DLG2: variants seen among roughly 807,000 people sequenced by gnomAD.
DLG2 encodes disks large homolog 2.
DLG2 carries 45 observed loss-of-function variants against 132.5 expected under a neutral mutation model. That is an observed-to-expected ratio of 0.34 (90% CI 0.27 to 0.44). DLG2 has a LOEUF of 0.44. Among genes scored for constraint, DLG2 ranks in the 20% least tolerant of loss-of-function variants. The pLI is 1.00. For missense variants in DLG2, 1,045 were observed against 1,196.9 expected (o/e 0.87, Z 1.87); for synonymous variants, 424 against 419.6 (o/e 1.01, Z -0.13).
intron 6 of DLG2, among the ~76,000 whole-genome samples, chr11:84,897,140 AC>A (rs1396436077): frequency 9.1e-5 from 8 of 87,986 alleles, no homozygotes; most frequent in Admixed American, 3.1e-4. Context: ...TGTACTAGTT[AC>A]ATATATATAT....
rs2054624376 is a variant in DLG2 at position 83,831,858 on chromosome 11, A to G, written c.1722+1756T>C. Among the ~76,000 whole-genome samples the G allele has an allele frequency of 2.6e-5, 4 of 152,202 alleles. No individual in the cohort carries two copies. The South Asian group carries it at 8.3e-4, about 32-fold the overall frequency. On this transcript the variant is annotated intron_variant, in intron 17 of 27. Coordinates refer to ENST00000376104, the MANE Select transcript of DLG2 (RefSeq NM_001142699.3). The stretch of plus-strand genomic sequence containing the variant: ...TCATACTAAGGAGGAAGCTTGACAT[A>G]GTAGAAGGAGACAGCCAATAAATAT...
intron 19 of DLG2, among the ~76,000 whole-genome samples, chr11:83,593,992 A>T (rs1447936981): frequency 1.3e-5 from 2 of 152,374 alleles, no homozygotes; most frequent in Non-Finnish European, 2.9e-5. Context: ...AGGTAAGTGT[A>T]ATAGCAAATA....
chr11:84,926,798 T>C (rs2092994081), intron 6 of DLG2, among the ~76,000 whole-genome samples: 1 of 152,026 alleles, frequency 6.6e-6, no homozygotes, highest in South Asian at 2.1e-4. Flanking sequence ...TGAGGGGATT[T>C]ACCCCATTGC....
At chr11:84,721,078 A>G (rs2061779671) in intron 6 of DLG2, among the ~76,000 whole-genome samples, 1 of 151,842 alleles carries the variant, frequency 6.6e-6, no homozygotes, top group African/African-American at 2.4e-5. Context: ...CGTGACCCCG[A>G]GACTGCATTT....
At chr11:83,738,378 T>C (rs771609839) in intron 18 of DLG2, among the ~76,000 whole-genome samples, 2 of 152,014 alleles carry the variant, frequency 1.3e-5, no homozygotes, top group African/African-American at 2.4e-5. Context: ...GGGGCAGGCT[T>C]CTCTTTGGGG....
rs779039240 is a variant in DLG2 at position 84,506,079 on chromosome 11, C to CTTTTTTTTTTTTTTTTTTTT, written c.519+28490_519+28491insAAAAAAAAAAAAAAAAAAAA. On this transcript the variant is annotated intron_variant, in intron 7 of 27. Transcript: ENST00000376104. ...CTAATGTTATGACAGAGGCTCAGTT[C>CTTTTTTTTTTTTTTTTTTTT]TTTTTTTTTTTTTTGAGACGGAGTC... is the stretch of plus-strand genomic sequence containing the variant. Among the ~76,000 whole-genome samples, 188 of 106,936 alleles carry CTTTTTTTTTTTTTTTTTTTT rather than the reference C, an allele frequency of 1.8e-3. 26 individuals are homozygous for CTTTTTTTTTTTTTTTTTTTT. The highest frequency in any genetic ancestry group is 3.4e-3 in the African/African-American group (67 of 19,710). The allele number at this position is 106,936 out of a possible 152,430, so 70.2% of individuals were successfully genotyped here. A position where few individuals can be genotyped will look rare whatever the true frequency, so the allele number is the denominator to read the frequency against.
In DLG2 at chr11:85,142,846, T is replaced by C. The variant is rs559800108; in HGVS notation, c.282+11710A>G. On this transcript the variant is annotated intron_variant, in intron 5 of 27. Coordinates refer to ENST00000376104, the MANE Select transcript of DLG2 (RefSeq NM_001142699.3). ...TTTATCCTTCATTCGGTCAATATGA[T>C]ATATTACATTGATTGATTTCTGTAT... Among the ~76,000 whole-genome samples the C allele has an allele frequency of 1.3e-4, 19 of 151,986 alleles. 2 individuals carry two copies. The South Asian group carries it at 3.9e-3, about 32-fold the overall frequency.
intron 3 of DLG2, among the ~76,000 whole-genome samples, chr11:85,570,853 G>A (rs189005389): frequency 2.6e-5 from 4 of 151,956 alleles, no homozygotes; most frequent in East Asian, 1.9e-4. Context: ...TCTTCCAGTC[G>A]CTGAATTTTT....
intron 14 of DLG2, among the ~76,000 whole-genome samples, chr11:83,943,110 C>T (rs568400598): frequency 7.2e-5 from 11 of 152,268 alleles, no homozygotes; most frequent in Admixed American, 3.9e-4. Context: ...TCCTCAGCCA[C>T]GTGGAACTGT....
At position 84,518,580 on chromosome 11, in the gene DLG2, C is replaced by T. The variant is rs72943755; in HGVS notation, c.519+15990G>A. On this transcript the variant is annotated intron_variant, in intron 7 of 27. Transcript: ENST00000376104. ...CACAACTGAAGTATGATGCGTGCCT[C>T]GGAAGCTCTCAAAACTGTCAGCATC... Among the ~76,000 whole-genome samples the T allele has an allele frequency of 2.8e-3, 422 of 152,206 alleles. 2 individuals carry two copies. The highest frequency in any genetic ancestry group is 5.2e-3 in the Non-Finnish European group (356 of 67,994).
chr11:85,587,126 C>T (rs1458197345), intron 3 of DLG2, among the ~76,000 whole-genome samples: 1 of 152,132 alleles, frequency 6.6e-6, no homozygotes, highest in East Asian at 1.9e-4. Flanking sequence ...ATCCTATGGT[C>T]TATCTTGGAG....
chr11:84,268,751 G>A (rs990498763), intron 7 of DLG2, among the ~76,000 whole-genome samples: 3 of 151,914 alleles, frequency 2.0e-5, no homozygotes, highest in Non-Finnish European at 2.9e-5. Flanking sequence ...GTGAGCCACC[G>A]CGCCCGGCCC....
intron 15 of DLG2, among the ~76,000 whole-genome samples, chr11:83,922,344 T>A (rs2078113250): frequency 6.6e-6 from 1 of 152,054 alleles, no homozygotes; most frequent in Non-Finnish European, 1.5e-5. Context: ...AGTCAATTAA[T>A]CTCTCCTTAT....
chr11:84,736,425 A>T (rs1337035387), intron 6 of DLG2, among the ~76,000 whole-genome samples: 2 of 151,900 alleles, frequency 1.3e-5, no homozygotes, highest in African/African-American at 2.4e-5. Context: ...AAAAATTTCA[A>T]CTGGAATTTT....
chr11:85,117,113 A>T (rs954913186), intron 5 of DLG2, among the ~76,000 whole-genome samples: 2 of 152,036 alleles, frequency 1.3e-5, no homozygotes, highest in African/African-American at 2.4e-5. Flanking sequence ...TCAAGGCAAA[A>T]GATTCATTCT....
At position 85,586,275 on chromosome 11, in the gene DLG2, A is replaced by G. The variant is rs140798916; in HGVS notation, c.40+12382T>C. ...TTCTCTATCTTTTGGAATACTGTCA[A>G]TAGGACTGGTACCAATTCTTTGAAT... On this transcript the variant is annotated intron_variant, in intron 3 of 27. Transcript: ENST00000376104. Among the ~76,000 whole-genome samples the G allele has an allele frequency of 7.7e-3, 1,166 of 151,872 alleles. 14 individuals carry two copies. The highest frequency in any genetic ancestry group is 0.027 in the African/African-American group (1,133 of 41,372).
At chr11:84,680,034 C>T (rs1030137722) in intron 6 of DLG2, among the ~76,000 whole-genome samples, 3 of 152,100 alleles carry the variant, frequency 2.0e-5, no homozygotes, top group Non-Finnish European at 4.4e-5. Context: ...ACTAGGTTAT[C>T]AGGTTTCCAA....
At chr11:85,068,213 T>C (rs527270802) in intron 6 of DLG2, among the ~76,000 whole-genome samples, 5 of 152,222 alleles carry the variant, frequency 3.3e-5, no homozygotes, top group African/African-American at 1.2e-4. Flanking sequence ...TGGCAAAACC[T>C]GGAAGCATTC....
intron 15 of DLG2, among the ~76,000 whole-genome samples, chr11:83,920,624 T>G (rs1054230274): frequency 6.6e-6 from 1 of 152,158 alleles, no homozygotes; most frequent in Non-Finnish European, 1.5e-5. Context: ...TATACAAATA[T>G]AATGATAGCT....
Sources: gnomAD v4.1 joint callset for allele counts (sites outside exome capture counted in the v4.1 genomes callset) on GRCh38, gnomAD v4.1.1 for gene constraint, MANE v1.5 for transcripts, NCBI Gene and HGNC (gene_info 2026-07-23, HGNC 2026-07-21) for gene names.